The following XPNPEP3 variants were observed in gnomAD, a reference collection of about 807,000 sequenced individuals.
XPNPEP3 encodes xaa-Pro aminopeptidase 3.
Under a neutral mutation model 60.0 loss-of-function variants are expected in XPNPEP3, and 41 were observed. The ratio of observed to expected loss-of-function variants is 0.68; its 90% CI spans 0.53 to 0.89. XPNPEP3 has a LOEUF of 0.89. Ranked by LOEUF, XPNPEP3 falls within the 40% of genes least tolerant of loss-of-function variation. The pLI is 0.00. For missense variants in XPNPEP3, 598 were observed against 638.9 expected (o/e 0.94, Z 0.69); for synonymous variants, 212 against 223.2 (o/e 0.95, Z 0.45).
chr22:40,910,895 C>A (rs914678157), intron 6 of XPNPEP3, among the ~76,000 whole-genome samples: 1 of 152,208 alleles, frequency 6.6e-6, no homozygotes, highest in Admixed American at 6.5e-5. Flanking sequence ...GTAATCCCAG[C>A]TACTCAGGAG....
chr22:40,913,682 A>G (rs2058184778), intron 6 of XPNPEP3, among the ~76,000 whole-genome samples: 1 of 152,034 alleles, frequency 6.6e-6, no homozygotes, highest in South Asian at 2.1e-4. Flanking sequence ...TCCAAAGCCT[A>G]TACACTGAAA....
chr22:40,921,150 A>G (rs2058215160), intron 7 of XPNPEP3, among the ~76,000 whole-genome samples: 1 of 150,868 alleles, frequency 6.6e-6, no homozygotes, highest in Non-Finnish European at 1.5e-5. Context: ...CTTTCTGCCT[A>G]ACTTGGAGCC....
intron 1 of XPNPEP3, among the ~76,000 whole-genome samples, chr22:40,866,921 C>G (rs1332726596): frequency 6.6e-6 from 1 of 152,132 alleles, no homozygotes; most frequent in Non-Finnish European, 1.5e-5. Flanking sequence ...AATCAGTTAA[C>G]TTTTTATATT....
At position 40,920,241 on chromosome 22, in the gene XPNPEP3, G is replaced by A. The variant is rs541268858; in HGVS notation, c.1056-2092G>A. On this transcript the variant is annotated intron_variant, in intron 7 of 9. Coordinates refer to ENST00000357137, the MANE Select transcript of XPNPEP3 (RefSeq NM_022098.4). Reference sequence around the variant, plus strand: ...AAATTAGCTGGGCGTGGTGGTGGGCGCCTATAATCCCAGCTACTTGGGAGG... The same window carrying A: ...AAATTAGCTGGGCGTGGTGGTGGGCACCTATAATCCCAGCTACTTGGGAGG... 2.0e-3 allele frequency among the ~76,000 whole-genome samples: 309 copies of A among 152,174 alleles called. 3 individuals carry two copies. The highest frequency in any genetic ancestry group is 7.3e-3 in the African/African-American group (302 of 41,524).
chr22:40,875,144 C>A (rs543213448), intron 2 of XPNPEP3, among the ~76,000 whole-genome samples: 1 of 152,198 alleles, frequency 6.6e-6, no homozygotes, highest in East Asian at 1.9e-4. Context: ...TTTATTTTCT[C>A]ACCCCAATGT....
intron 6 of XPNPEP3, among the ~76,000 whole-genome samples, chr22:40,911,313 T>G (rs1371918949): frequency 6.6e-6 from 1 of 152,196 alleles, no homozygotes; most frequent in African/African-American, 2.4e-5. Flanking sequence ...GAGTTTGGTC[T>G]ATATAATTTC....
intron 5 of XPNPEP3, among the ~76,000 whole-genome samples, 183 bp from the exon 6 acceptor site, chr22:40,908,939 G>A (rs941075163): frequency 4.6e-5 from 7 of 152,174 alleles, no homozygotes; most frequent in African/African-American, 1.4e-4. Context: ...TATAGTACAC[G>A]GGGTGAGAAT....
chr22:40,892,907 A>G (rs2058093571), intron 4 of XPNPEP3, among the ~76,000 whole-genome samples: 1 of 151,656 alleles, frequency 6.6e-6, no homozygotes, highest in Non-Finnish European at 1.5e-5. Flanking sequence ...ACCCACAATA[A>G]CAATGCAAAT....
At chr22:40,881,688 G>A (rs1484201014) in intron 2 of XPNPEP3, 82 bp from the exon 3 acceptor site, 3 of 1,489,474 alleles carry the variant, frequency 2.0e-6, no homozygotes, top group Non-Finnish European at 2.8e-6. Flanking sequence ...TTGGACTTGA[G>A]TATTTCCATC....
At chr22:40,858,531 T>G (rs2057919375) in intron 1 of XPNPEP3, among the ~76,000 whole-genome samples, 1 of 145,512 alleles carries the variant, frequency 6.9e-6, no homozygotes, top group Non-Finnish European at 1.5e-5. Flanking sequence ...GCTTTTTTTT[T>G]TTTTTTTTTT....
At chr22:40,876,595 T>A (rs565046643) in intron 2 of XPNPEP3, among the ~76,000 whole-genome samples, 12 of 152,212 alleles carry the variant, frequency 7.9e-5, no homozygotes, top group Admixed American at 4.6e-4. Context: ...CACAAAAACC[T>A]AACTCAGAAT....
At chr22:40,896,281 G>C (rs1213292371) in intron 4 of XPNPEP3, among the ~76,000 whole-genome samples, 1 of 151,898 alleles carries the variant, frequency 6.6e-6, no homozygotes, top group Non-Finnish European at 1.5e-5. Context: ...TGCCCACCTC[G>C]GCCTCCCAAA....
At chr22:40,868,011 T>A (rs889724551) in intron 1 of XPNPEP3, among the ~76,000 whole-genome samples, 1 of 152,064 alleles carries the variant, frequency 6.6e-6, no homozygotes, top group African/African-American at 2.4e-5. Context: ...CATTTAATAT[T>A]GTAATGCTCT....
In XPNPEP3 at chr22:40,927,090, C is replaced by T. The variant is rs563019823; in HGVS notation, c.*655C>T. The stretch of plus-strand genomic sequence containing the variant: ...CAAAACACTTCTGAGCTTTTCTTGC[C>T]ATTTGGTTGCCTGGGACCTGGAAAG... On this transcript the variant is annotated 3_prime_UTR_variant, in exon 10 of 10. Transcript: ENST00000357137. 3 of 153,820 alleles carry T rather than the reference C, an allele frequency of 2.0e-5. No individual in the cohort carries two copies. Among genetic ancestry groups the T allele is most frequent in the South Asian group, 2.0e-4 (1 of 4,946 alleles). The allele number at this position is 153,820 out of a possible 1,614,324, so 9.5% of individuals were successfully genotyped here. A position where few individuals can be genotyped will look rare whatever the true frequency, so the allele number is the denominator to read the frequency against.
At chr22:40,861,648 A>G (rs766819739) in intron 1 of XPNPEP3, 2 of 1,614,128 alleles carry the variant, frequency 1.2e-6, no homozygotes, top group Non-Finnish European at 1.7e-6. Context: ...CAGGTCCTCA[A>G]GCGAGTCTTC....
At chr22:40,884,366 C>G (rs2058060090) in intron 3 of XPNPEP3, among the ~76,000 whole-genome samples, 2 of 148,594 alleles carry the variant, frequency 1.3e-5, no homozygotes, top group Non-Finnish European at 3.0e-5. Context: ...GAATTTCGCT[C>G]TTGCCCAGGC....
chr22:40,880,984 A>G (rs1447995712), intron 2 of XPNPEP3, among the ~76,000 whole-genome samples: 2 of 152,116 alleles, frequency 1.3e-5, no homozygotes, highest in African/African-American at 4.8e-5. Context: ...GAAATGTTTT[A>G]AAATGCATTG....
At chr22:40,890,456 T>A (rs761618088) in intron 4 of XPNPEP3, among the ~76,000 whole-genome samples, 5 of 152,020 alleles carry the variant, frequency 3.3e-5, no homozygotes, top group Non-Finnish European at 5.9e-5. Flanking sequence ...GGACGATCAC[T>A]TGAGCTGGGG....
chr22:40,868,421 A>ATG (rs2057988983), intron 1 of XPNPEP3, among the ~76,000 whole-genome samples: 1 of 148,114 alleles, frequency 6.8e-6, no homozygotes, highest in South Asian at 2.1e-4. Context: ...TTTATTATAT[A>ATG]TGTGTGCGTG....
Sources: allele counts gnomAD v4.1 joint callset (sites outside exome capture counted in the v4.1 genomes callset), GRCh38; gene constraint gnomAD v4.1.1; transcripts MANE v1.5; gene names NCBI Gene and HGNC (gene_info 2026-07-23, HGNC 2026-07-21).